Variants in RAMP1 observed in about 807,000 individuals in gnomAD.
RAMP1 encodes receptor activity-modifying protein 1.
A neutral mutation model predicts 8.2 loss-of-function variants in RAMP1; 7 were observed. The observed-to-expected ratio is 0.85, with a 90% CI of 0.49 to 1.60. The LOEUF (loss-of-function observed/expected upper bound fraction) is 1.60, where lower values mean the gene tolerates loss of function less well. RAMP1 is among the 40% of genes most tolerant of loss of function. RAMP1 has a pLI of 0.00. For synonymous variants in RAMP1, 92 were observed against 84.7 expected, an observed-to-expected ratio of 1.09 and a Z score of -0.47; for missense variants, 192 against 202.4, an observed-to-expected ratio of 0.95 and a Z score of 0.31.
intron 2 of RAMP1, among the ~76,000 whole-genome samples, chr2:237,885,990 G>GGAGAAGGGGGCAGAGGAGGA (rs1402548956): frequency 6.6e-6 from 1 of 152,200 alleles, no homozygotes; most frequent in African/African-American, 2.4e-5. Flanking sequence ...GGCTTACAGA[G>GGAGAAGGGGGCAGAGGAGGA]GAGAAGGGGG....
At chr2:237,879,905 G>T (rs1178908599) in intron 2 of RAMP1, among the ~76,000 whole-genome samples, 1 of 145,220 alleles carries the variant, frequency 6.9e-6, no homozygotes, top group Non-Finnish European at 1.5e-5. Context: ...CAGGAGAATT[G>T]CTTGAACCCA....
At chr2:237,885,921 G>T (rs893403668) in intron 2 of RAMP1, among the ~76,000 whole-genome samples, 2 of 152,234 alleles carry the variant, frequency 1.3e-5, no homozygotes, top group African/African-American at 4.8e-5. Context: ...CCAGCCCCGC[G>T]GGAGGCAGAG....
chr2:237,876,898 G>A (rs372599809), intron 1 of RAMP1, among the ~76,000 whole-genome samples: 3 of 152,154 alleles, frequency 2.0e-5, no homozygotes, highest in African/African-American at 7.2e-5. Context: ...CGTGGAACAG[G>A]GGCAGCCAGA....
chr2:237,898,374 C>T (rs568449826), intron 2 of RAMP1, among the ~76,000 whole-genome samples: 50 of 152,242 alleles, frequency 3.3e-4, no homozygotes, highest in Admixed American at 5.2e-4. Context: ...TGGCCTTTTC[C>T]CTAGTTTGAT....
chr2:237,880,997 C>A (rs945181752), intron 2 of RAMP1, among the ~76,000 whole-genome samples: 1 of 152,210 alleles, frequency 6.6e-6, no homozygotes, highest in Non-Finnish European at 1.5e-5. Flanking sequence ...CCTCCTCCTG[C>A]CCCTGCCCAT....
rs541987331 is a variant in RAMP1 at position 237,876,786 on chromosome 2, G to T, written c.53-438G>T. On this transcript the variant is annotated intron_variant, in intron 1 of 2. Transcript: ENST00000254661. Reference sequence around the variant, plus strand: ...AGGAGGGAGCACAGTTCATGCTTCCGTTTGTCAGCTCGGTTCATAGCCCGC... The same window carrying T: ...AGGAGGGAGCACAGTTCATGCTTCCTTTTGTCAGCTCGGTTCATAGCCCGC... Among the ~76,000 whole-genome samples, 5 of 152,254 alleles carry T rather than the reference G, an allele frequency of 3.3e-5. No individual in the cohort carries two copies. In the East Asian group the frequency reaches 9.7e-4, roughly 30 times the overall value.
At position 237,878,314 on chromosome 2, in the gene RAMP1, G is replaced by A. The variant is rs1014616371; in HGVS notation, c.191+952G>A. Among the ~76,000 whole-genome samples, 8 of 152,214 alleles carry A rather than the reference G, an allele frequency of 5.3e-5. No homozygotes were observed. Among genetic ancestry groups the A allele is most frequent in the Non-Finnish European group, 7.4e-5 (5 of 68,014 alleles). Reference sequence around the variant, plus strand: ...GGCCAGGGGCAGGGAGGAGGGCCTCGGGAGGGTCTTCACGGAGGAAAGGTT... The same window carrying A: ...GGCCAGGGGCAGGGAGGAGGGCCTCAGGAGGGTCTTCACGGAGGAAAGGTT... On this transcript the variant is annotated intron_variant, in intron 2 of 2. Transcript: ENST00000254661. This position sits in a 1 kb window ranked among gnomAD's most constrained non-coding sequence, Gnocchi z 5.7.
intron 1 of RAMP1, among the ~76,000 whole-genome samples, chr2:237,873,339 A>G (rs941700032): frequency 1.3e-5 from 2 of 152,212 alleles, no homozygotes; most frequent in Non-Finnish European, 1.5e-5. Flanking sequence ...TTTGAGACCC[A>G]TTAGCTCTGT....
chr2:237,859,634 G>C lies in RAMP1; in HGVS notation c.-42G>C. The stretch of plus-strand genomic sequence containing the variant: ...GCCGCGGCGGGCTCAGTCCTCAGCG[G>C]GGCGCGTGGCGAGCGGACTCGACTC... On this transcript the variant is annotated 5_prime_UTR_variant, in exon 1 of 3. Coordinates refer to ENST00000254661, the MANE Select transcript of RAMP1 (RefSeq NM_005855.4). The C allele has an allele frequency of 1.4e-6, 2 of 1,410,002 alleles. No individual in the cohort carries two copies. Among genetic ancestry groups the C allele is most frequent in the Non-Finnish European group, 1.9e-6 (2 of 1,077,432 alleles). The allele number at this position is 1,410,002 out of a possible 1,614,324, so 87.3% of individuals were successfully genotyped here.
intron 2 of RAMP1, among the ~76,000 whole-genome samples, chr2:237,907,298 T>C (rs1378336992): frequency 6.6e-6 from 1 of 152,202 alleles, no homozygotes; most frequent in Non-Finnish European, 1.5e-5. Flanking sequence ...GCTGCTTTGT[T>C]TTCTGTCCTG....
At chr2:237,902,102 T>A (rs59728752) in intron 2 of RAMP1, among the ~76,000 whole-genome samples, 3,634 of 151,736 alleles carry the variant, frequency 0.024, 143 homozygotes, top group African/African-American at 0.084. Flanking sequence ...TGGGGAACTC[T>A]CAGGTGCAGC....
intron 2 of RAMP1, among the ~76,000 whole-genome samples, chr2:237,910,873 T>A (rs528198606): frequency 6.9e-6 from 1 of 145,428 alleles, no homozygotes; most frequent in Admixed American, 6.8e-5. Context: ...ACACAGAGAA[T>A]AACAGTCACA....
In RAMP1 at chr2:237,865,285, G is replaced by C. The variant is rs1326081628; in HGVS notation, c.52+5558G>C. Among the ~76,000 whole-genome samples the C allele has an allele frequency of 7.5e-6, 1 of 132,756 alleles. No individual in the cohort carries two copies. Among genetic ancestry groups the C allele is most frequent in the African/African-American group, 2.8e-5 (1 of 35,874 alleles). 87.1% of individuals were successfully genotyped at this position (132,756 alleles called of 152,430 possible). ...GAAGAGAGGAGAGGAGGGGAGGGGA[G>C]AGCAGGGGAGAGGAGAGGAGGGGAG... On this transcript the variant is annotated intron_variant, in intron 1 of 2. Transcript: ENST00000254661. This position sits in a 1 kb window ranked among gnomAD's most constrained non-coding sequence, Gnocchi z 4.2.
rs142335491 is a variant in RAMP1, at chr2:237,877,281, G to A, written c.110G>A (p.Arg37Gln). Residue 37 changes from arginine to glutamine, a missense_variant, in exon 2 of 3, where the codon CGG becomes CAG. Transcript: ENST00000254661. The surrounding 1 kb of genome is among the most constrained non-coding windows in gnomAD (Gnocchi z 4.4). ...GAGGCTAACTACGGTGCCCTCCTCC[G>A]GGAGCTCTGCCTCACCCAGTTCCAG... ...CQEANYGALL[R>Q]ELCLTQFQVD... 711 of 1,614,028 alleles carry A rather than the reference G, an allele frequency of 4.4e-4. 3 individuals are homozygous for A. Among genetic ancestry groups the A allele is most frequent in the Non-Finnish European group, 5.6e-4 (659 of 1,180,010 alleles).
At chr2:237,873,393 T>A (rs1036988483) in intron 1 of RAMP1, among the ~76,000 whole-genome samples, 2 of 152,212 alleles carry the variant, frequency 1.3e-5, no homozygotes, top group African/African-American at 4.8e-5. Flanking sequence ...ATGAGCAGTG[T>A]CCAGGGGTCC....
chr2:237,863,122 C>G (rs903263698), intron 1 of RAMP1, among the ~76,000 whole-genome samples: 3 of 152,164 alleles, frequency 2.0e-5, no homozygotes, highest in Non-Finnish European at 2.9e-5. Flanking sequence ...AGAGCCTCCT[C>G]CTCCACTGGG....
intron 1 of RAMP1, chr2:237,874,787 T>A (rs2151007274): frequency 1.2e-6 from 1 of 836,722 alleles, no homozygotes; most frequent in Non-Finnish European, 1.4e-6. Context: ...CAGAAAGGAG[T>A]AGGAGATGAG....
intron 1 of RAMP1, among the ~76,000 whole-genome samples, chr2:237,864,176 A>G (rs1287426969): frequency 6.6e-6 from 1 of 152,062 alleles, no homozygotes; most frequent in East Asian, 1.9e-4. Flanking sequence ...AGCTCACTCC[A>G]GGGGGTGGGG....
intron 1 of RAMP1, among the ~76,000 whole-genome samples, chr2:237,867,635 G>A (rs990618312): frequency 1.3e-5 from 2 of 152,198 alleles, no homozygotes; most frequent in Admixed American, 1.3e-4. Flanking sequence ...TGGCACTGGC[G>A]AGGCTGTGAC....
Sources: gnomAD v4.1 joint callset for allele counts (sites outside exome capture counted in the v4.1 genomes callset) on GRCh38, gnomAD v4.1.1 for gene constraint, Gnocchi (gnomAD v3.1) non-coding constraint, MANE v1.5 for transcripts, NCBI Gene and HGNC (gene_info 2026-07-23, HGNC 2026-07-21) for gene names.